ERBB4: variants seen among roughly 807,000 people sequenced by gnomAD.
ERBB4 encodes the protein erb-b2 receptor tyrosine kinase 4, also known as receptor tyrosine-protein kinase erbB-4.
Under a neutral mutation model 158.0 loss-of-function variants are expected in ERBB4, and 42 were observed. The observed-to-expected ratio is 0.27, with a 90% CI of 0.21 to 0.34. The LOEUF (loss-of-function observed/expected upper bound fraction) is 0.34, where lower values mean the gene tolerates loss of function less well. ERBB4 is among the 10% of genes least tolerant of loss of function. The pLI, the probability that ERBB4 is intolerant of heterozygous loss-of-function variation, is 1.00. For missense variants in ERBB4, 1,333 were observed against 1,624.1 expected, an observed-to-expected ratio of 0.82 and a Z score of 3.08; for synonymous variants, 583 against 558.7, an observed-to-expected ratio of 1.04 and a Z score of -0.61.
At chr2:211,782,981 G>A (rs2076073256) in intron 4 of ERBB4, among the ~76,000 whole-genome samples, 1 of 151,764 alleles carries the variant, frequency 6.6e-6, no homozygotes, top group Non-Finnish European at 1.5e-5. Context: ...CCATTTTCAT[G>A]ATACTGATCC....
chr2:212,065,137 T>C (rs1307155452), intron 2 of ERBB4, among the ~76,000 whole-genome samples: 5 of 151,846 alleles, frequency 3.3e-5, no homozygotes, highest in Non-Finnish European at 7.4e-5. Flanking sequence ...CACAAGAAAG[T>C]AGTTTCTCAA....
chr2:211,859,958 T>C (rs567087476), intron 3 of ERBB4, among the ~76,000 whole-genome samples: 1 of 152,310 alleles, frequency 6.6e-6, no homozygotes, highest in East Asian at 1.9e-4. Context: ...TTGGCAATGG[T>C]AAAACAAAGA....
intron 20 of ERBB4, among the ~76,000 whole-genome samples, chr2:211,508,824 G>T (rs1269048729): frequency 6.6e-6 from 1 of 152,132 alleles, no homozygotes; most frequent in Non-Finnish European, 1.5e-5. Flanking sequence ...CAGCTACTCA[G>T]GAGGCTGAGG....
At chr2:211,439,625 G>C (rs574515097) in intron 20 of ERBB4, among the ~76,000 whole-genome samples, 1 of 152,236 alleles carries the variant, frequency 6.6e-6, no homozygotes, top group Admixed American at 6.5e-5. Context: ...CGTGCACTAG[G>C]TATCACCTTT....
intron 20 of ERBB4, among the ~76,000 whole-genome samples, chr2:211,548,340 T>C (rs1279076385): frequency 2.1e-5 from 3 of 143,328 alleles, no homozygotes; most frequent in African/African-American, 8.3e-5. Flanking sequence ...AAAGGGAAGA[T>C]TAAAAAAAAA....
At chr2:211,426,889 G>A (rs1454874739) in intron 22 of ERBB4, among the ~76,000 whole-genome samples, 2 of 151,562 alleles carry the variant, frequency 1.3e-5, no homozygotes, top group East Asian at 3.9e-4. Flanking sequence ...TAATCTACAT[G>A]CTAATCTGTA....
At chr2:211,858,524 T>C (rs1489435274) in intron 3 of ERBB4, among the ~76,000 whole-genome samples, 2 of 152,190 alleles carry the variant, frequency 1.3e-5, no homozygotes, top group Non-Finnish European at 2.9e-5. Context: ...CTCTATTGAG[T>C]TAAATAAGGA....
At chr2:211,866,346 T>G (rs2078205612) in intron 3 of ERBB4, among the ~76,000 whole-genome samples, 1 of 152,214 alleles carries the variant, frequency 6.6e-6, no homozygotes, top group African/African-American at 2.4e-5. Context: ...TGATTTTTAT[T>G]CTTTGGATGT....
At chr2:211,561,798 T>C in intron 20 of ERBB4, 105 bp downstream of exon 20, 1 of 1,037,998 alleles carries the variant, frequency 9.6e-7, no homozygotes, top group Non-Finnish European at 1.5e-6. Flanking sequence ...ATATACTTTA[T>C]TTTATTTAAA....
intron 20 of ERBB4, among the ~76,000 whole-genome samples, chr2:211,449,739 A>G (rs1015891942): frequency 9.2e-5 from 14 of 152,242 alleles, no homozygotes; most frequent in African/African-American, 3.4e-4. Context: ...AGAATATTGT[A>G]GTTAATGGAT....
At chr2:211,411,393 C>T (rs544108781) in intron 25 of ERBB4, among the ~76,000 whole-genome samples, 1 of 152,258 alleles carries the variant, frequency 6.6e-6, no homozygotes, top group African/African-American at 2.4e-5. Context: ...GGGGTCAGAA[C>T]CATTTTTGAT....
At chr2:211,397,849 G>A (rs2062952914) in intron 25 of ERBB4, among the ~76,000 whole-genome samples, 1 of 152,014 alleles carries the variant, frequency 6.6e-6, no homozygotes, top group African/African-American at 2.4e-5. Flanking sequence ...TTTATTTTCT[G>A]CCCAGAAACA....
chr2:211,626,653 A>G (rs2069856431), intron 17 of ERBB4, among the ~76,000 whole-genome samples: 1 of 152,152 alleles, frequency 6.6e-6, no homozygotes, highest in Admixed American at 6.5e-5. Context: ...GGCCGGGCAC[A>G]GTGACTCACG....
chr2:212,174,688 A>G (rs930667074), intron 1 of ERBB4, among the ~76,000 whole-genome samples: 2 of 152,052 alleles, frequency 1.3e-5, no homozygotes, highest in African/African-American at 4.8e-5. Flanking sequence ...TGAGGAAGCT[A>G]GTTTGTTCAT....
At chr2:211,635,600 A>G (rs1217971034) in intron 16 of ERBB4, among the ~76,000 whole-genome samples, 1 of 152,142 alleles carries the variant, frequency 6.6e-6, no homozygotes, top group South Asian at 2.1e-4. Flanking sequence ...CAGATGTCAG[A>G]CCACAAAAAA....
At chr2:212,382,503 G>T (rs1470330487) in intron 1 of ERBB4, among the ~76,000 whole-genome samples, 1 of 150,374 alleles carries the variant, frequency 6.7e-6, no homozygotes, top group Non-Finnish European at 1.5e-5. Context: ...ATAAGTTCAG[G>T]TTGTTTGTAA....
At chr2:212,228,708 G>A (rs1480313543) in intron 1 of ERBB4, among the ~76,000 whole-genome samples, 1 of 152,210 alleles carries the variant, frequency 6.6e-6, no homozygotes, top group Non-Finnish European at 1.5e-5. Flanking sequence ...GCAGTGGAAA[G>A]CAAATGGAGA....
intron 1 of ERBB4, among the ~76,000 whole-genome samples, chr2:212,428,079 A>G (rs1197788737): frequency 2.6e-5 from 4 of 152,182 alleles, no homozygotes; most frequent in Admixed American, 2.0e-4. Flanking sequence ...TTTTGCAAAT[A>G]TATAAATAAA....
intron 12 of ERBB4, among the ~76,000 whole-genome samples, chr2:211,680,470 C>T (rs550379268): frequency 1.3e-5 from 2 of 152,284 alleles, no homozygotes; most frequent in South Asian, 4.1e-4. Context: ...CCATTAGTTA[C>T]CAACTTTACT....
Sources: gnomAD v4.1 joint callset for allele counts (sites outside exome capture counted in the v4.1 genomes callset) on GRCh38, gnomAD v4.1.1 for gene constraint, MANE v1.5 for transcripts, NCBI Gene and HGNC (gene_info 2026-07-23, HGNC 2026-07-21) for gene names.